AXDND1: variants seen among roughly 807,000 people sequenced by gnomAD.
AXDND1 encodes axonemal dynein light chain domain containing 1, also known as axonemal dynein light chain domain-containing protein 1.
Under a neutral mutation model 137.5 loss-of-function variants are expected in AXDND1, and 110 were observed. The observed-to-expected ratio is 0.80, with a 90% confidence interval of 0.69 to 0.94. The LOEUF is 0.94. AXDND1 is among the 40% of genes least tolerant of loss of function. The probability of loss-of-function intolerance (pLI) is 0.00; values close to 1 mark genes in which losing one functional copy is unlikely to be tolerated. For synonymous variants in AXDND1, 414 were observed against 399.7 expected (o/e 1.04, Z -0.43); for missense variants, 1,191 against 1,169.8 (o/e 1.02, Z -0.26).
At chr1:179,366,994 C>T (rs1019894028) in intron 2 of AXDND1, among the ~76,000 whole-genome samples, 1 of 151,714 alleles carries the variant, frequency 6.6e-6, no homozygotes, top group Non-Finnish European at 1.5e-5. Flanking sequence ...CCGAGGTGGG[C>T]GGATCACTTG....
intron 9 of AXDND1, 30 bp from the exon 10 acceptor site, chr1:179,393,873 C>T (rs1464891130): frequency 6.4e-7 from 1 of 1,561,606 alleles, no homozygotes; most frequent in Non-Finnish European, 8.6e-7. Context: ...TTTATCAGAT[C>T]TAGGAGCTTT....
intron 25 of AXDND1, among the ~76,000 whole-genome samples, chr1:179,539,054 T>C (rs61827690): frequency 6.6e-6 from 1 of 152,264 alleles, no homozygotes; most frequent in Admixed American, 6.5e-5. Flanking sequence ...AGATCTTCCT[T>C]CATCCCTTTA....
intron 9 of AXDND1, among the ~76,000 whole-genome samples, chr1:179,392,911 C>G (rs144167590): frequency 1.3e-5 from 2 of 151,942 alleles, no homozygotes; most frequent in Non-Finnish European, 2.9e-5. Flanking sequence ...TTTTCTCCCT[C>G]TCTGTGGGTT....
At chr1:179,411,717 T>A (rs189439673) in intron 12 of AXDND1, among the ~76,000 whole-genome samples, 1 of 152,312 alleles carries the variant, frequency 6.6e-6, no homozygotes, top group East Asian at 1.9e-4. Flanking sequence ...ACAAGTGTTC[T>A]TTTTCTGTTG....
chr1:179,476,052 C>T (rs112496025), intron 17 of AXDND1, among the ~76,000 whole-genome samples: 2 of 152,236 alleles, frequency 1.3e-5, no homozygotes, highest in South Asian at 2.1e-4. Context: ...CTTGCTTTTC[C>T]TTCCCCTTAC....
At chr1:179,454,701 A>G (rs190589165) in intron 16 of AXDND1, 1 of 152,208 alleles carries the variant, frequency 6.6e-6, no homozygotes, top group Non-Finnish European at 1.5e-5. Context: ...GAGATTGTGT[A>G]TTTAGTATTA....
intron 18 of AXDND1, among the ~76,000 whole-genome samples, chr1:179,485,751 A>AC (rs1665965761): frequency 7.0e-6 from 1 of 142,352 alleles, no homozygotes; most frequent in South Asian, 2.3e-4. Context: ...ACGTACAAGA[A>AC]AGTTGAAACT....
intron 24 of AXDND1, 59 bp from the exon 25 acceptor site, chr1:179,534,671 G>A (rs6425572): frequency 0.36 from 543,426 of 1,509,514 alleles, 100,373 homozygotes; most frequent in East Asian, 0.43. Context: ...AATGAGTTTC[G>A]AAATCAAAAA....
chr1:179,368,889 GTTC>G lies in AXDND1; in HGVS notation c.193_195del (p.Leu65del), dbSNP rs747546704. ...TCAGAATGAGTTCATTCCCAAAGAAGTTCTTCTTTCTCTGACCTATGCGGCCAA... is the reference window on the plus strand; with the variant it reads ...TCAGAATGAGTTCATTCCCAAAGAAGTTCTTTCTCTGACCTATGCGGCCAA... On this transcript the variant is annotated inframe_deletion, in exon 3 of 26. Transcript: ENST00000367618. 9.9e-6 allele frequency: 16 copies of G among 1,613,770 alleles called. No individual in the cohort carries two copies. The East Asian group carries it at 2.0e-4, about 20-fold the overall frequency.
chr1:179,449,747 G>A (rs1660267150), intron 16 of AXDND1: 1 of 151,714 alleles, frequency 6.6e-6, no homozygotes, highest in Non-Finnish European at 1.5e-5. Flanking sequence ...ATTTTTTTGA[G>A]TATGTTATTC....
intron 12 of AXDND1, among the ~76,000 whole-genome samples, chr1:179,411,866 A>G (rs1044346146): frequency 1.5e-4 from 22 of 151,026 alleles, no homozygotes; most frequent in Admixed American, 1.4e-3. Flanking sequence ...TTTTAAAAAA[A>G]CAGGGTCTCA....
At chr1:179,546,484 T>C (rs1239275313) in intron 25 of AXDND1, among the ~76,000 whole-genome samples, 1 of 151,044 alleles carries the variant, frequency 6.6e-6, no homozygotes, top group Non-Finnish European at 1.5e-5. Context: ...CCAAGCAGAG[T>C]GGAGGGAGGA....
rs11422639 is a variant in AXDND1, at chr1:179,553,912, A to ATTT, written c.3032-584_3032-582dup. Among the ~76,000 whole-genome samples, 720 of 131,834 alleles carry ATTT rather than the reference A, an allele frequency of 5.5e-3. 21 individuals carry two copies. The highest frequency in any genetic ancestry group is 0.047 in the Admixed American group (602 of 12,790). 86.5% of individuals were successfully genotyped at this position (131,834 alleles called of 152,430 possible). A position where few individuals can be genotyped will look rare whatever the true frequency, so the allele number is the denominator to read the frequency against. On this transcript the variant is annotated intron_variant, in intron 25 of 25. Coordinates refer to ENST00000367618, the MANE Select transcript of AXDND1 (RefSeq NM_144696.6). ...AGGCATTTGCCAACACCCCTGGCTA[A>ATTT]TTTTTTTTTTTTTTTTTTGAGATCG...
At chr1:179,536,446 C>T (rs1162806609) in intron 25 of AXDND1, among the ~76,000 whole-genome samples, 1 of 152,128 alleles carries the variant, frequency 6.6e-6, no homozygotes, top group East Asian at 1.9e-4. Flanking sequence ...CTAGTTTTCC[C>T]AACACCGTTT....
intron 6 of AXDND1, among the ~76,000 whole-genome samples, chr1:179,381,771 A>G (rs1648363931): frequency 6.6e-6 from 1 of 151,856 alleles, no homozygotes; most frequent in African/African-American, 2.4e-5. Context: ...TTAATTCTTT[A>G]CTATCATTAT....
At chr1:179,386,050 CTTTTTTTTTTT>C (rs71111980) in intron 9 of AXDND1, among the ~76,000 whole-genome samples, 1 of 102,426 alleles carries the variant, frequency 9.8e-6, no homozygotes. Context: ...GGATTTTTTC[CTTTTTTTTTTT>C]TTTTTTTTTT....
intron 15 of AXDND1, among the ~76,000 whole-genome samples, chr1:179,437,313 G>T (rs770841758): frequency 6.6e-6 from 1 of 152,160 alleles, no homozygotes; most frequent in East Asian, 1.9e-4. Context: ...GGTGATTGTC[G>T]GGTAATTGTC....
chr1:179,391,839 GAGATCTGAT>G (rs1190690729), intron 9 of AXDND1, among the ~76,000 whole-genome samples: 2 of 152,004 alleles, frequency 1.3e-5, no homozygotes, highest in Non-Finnish European at 2.9e-5. Context: ...TGCCTGGCCA[GAGATCTGAT>G]AGTTTTATAA....
intron 17 of AXDND1, among the ~76,000 whole-genome samples, chr1:179,478,842 G>A (rs1029368973): frequency 6.6e-6 from 1 of 152,214 alleles, no homozygotes; most frequent in Non-Finnish European, 1.5e-5. Flanking sequence ...ACTCATGCCT[G>A]TAATCCCAGC....
Sources: allele counts gnomAD v4.1 joint callset (sites outside exome capture counted in the v4.1 genomes callset), GRCh38; gene constraint gnomAD v4.1.1; transcripts MANE v1.5; gene names NCBI Gene and HGNC (gene_info 2026-07-23, HGNC 2026-07-21).